Variants in TENM3 observed in about 807,000 individuals in gnomAD.
TENM3 encodes teneurin-3.
In TENM3, 63 loss-of-function variants were observed where a neutral mutation model predicts 255.1. That is an observed-to-expected ratio of 0.25 (90% CI 0.20 to 0.30). The LOEUF is 0.30. Ranked by LOEUF, TENM3 falls within the 10% of genes least tolerant of loss-of-function variation. The pLI is 1.00. For missense variants in TENM3, 2,929 were observed against 3,461.1 expected, an observed-to-expected ratio of 0.85 and a Z score of 3.86; for synonymous variants, 1,306 against 1,322.3, an observed-to-expected ratio of 0.99 and a Z score of 0.27.
Position 182,624,535 on chromosome 4 carries a change from T to C in TENM3, c.750-4116T>C, listed in dbSNP as rs549864943. Among the ~76,000 whole-genome samples, 17 of 152,272 alleles carry C rather than the reference T, an allele frequency of 1.1e-4. No individual in the cohort carries two copies. The South Asian group carries it at 3.3e-3, about 30-fold the overall frequency. Reference sequence around the variant, plus strand: ...TCACGAAGCAGAAGGCAGGCTTCTCTCCCTGGGCCCTGTTGCTCCTCTGCT... The same window carrying C: ...TCACGAAGCAGAAGGCAGGCTTCTCCCCCTGGGCCCTGTTGCTCCTCTGCT... On this transcript the variant is annotated intron_variant, in intron 4 of 27. Transcript: ENST00000511685.
chr4:182,429,616 T>G (rs561569933), intron 3 of TENM3, among the ~76,000 whole-genome samples: 5 of 152,344 alleles, frequency 3.3e-5, no homozygotes, highest in Admixed American at 2.6e-4. Flanking sequence ...CCATAACAAC[T>G]TAAATGAAAT....
the TENM3 span, among the ~76,000 whole-genome samples, chr4:181,939,067 A>C: frequency 1.1e-3 from 170 of 152,332 alleles, no homozygotes; most frequent in African/African-American, 3.9e-3. Flanking sequence ...ATGTAAGAAA[A>C]AAAAAGATGG....
In TENM3 at chr4:182,616,777, A is replaced by T. The variant is rs530832818; in HGVS notation, c.750-11874A>T. Among the ~76,000 whole-genome samples, 149 of 152,246 alleles carry T rather than the reference A, an allele frequency of 9.8e-4. 1 individual carries two copies. The highest frequency in any genetic ancestry group is 6.8e-3 in the Middle Eastern group (2 of 294). The stretch of plus-strand genomic sequence containing the variant: ...ATAGCTAGGCATTTGAGCAGAGTGA[A>T]TAATTATGCTAGATATCTCTGGATG... On this transcript the variant is annotated intron_variant, in intron 4 of 27. Coordinates refer to ENST00000511685, the MANE Select transcript of TENM3 (RefSeq NM_001080477.4).
intron 6 of TENM3, 57 bp from the exon 7 acceptor site, chr4:182,672,948 T>G: frequency 7.8e-7 from 1 of 1,289,430 alleles, no homozygotes; most frequent in Non-Finnish European, 1.1e-6. Context: ...AAAAACCTTT[T>G]TTGTTTTGTT....
At chr4:182,725,627 CTTTTTTTTCTTTTT>C (rs1561163224) in intron 13 of TENM3, among the ~76,000 whole-genome samples, 1 of 9,886 alleles carries the variant, frequency 1.0e-4, no homozygotes, top group Non-Finnish European at 1.8e-4. Flanking sequence ...ATTTTCTTTT[CTTTTTTTTCTTTTT>C]TTTTTTTTCT....
chr4:182,777,519 GTGT>G (rs1764774124), intron 24 of TENM3, among the ~76,000 whole-genome samples: 1 of 138,454 alleles, frequency 7.2e-6, no homozygotes, highest in Non-Finnish European at 1.5e-5. Context: ...TTATGTGTGT[GTGT>G]GTGTGTGTGT....
chr4:182,689,870 A>T (rs1756882437), intron 12 of TENM3, among the ~76,000 whole-genome samples: 1 of 152,210 alleles, frequency 6.6e-6, no homozygotes, highest in East Asian at 1.9e-4. Flanking sequence ...TTTTTAGCTC[A>T]TCAGCTATTG....
intron 22 of TENM3, among the ~76,000 whole-genome samples, chr4:182,767,938 C>A (rs1437531896): frequency 6.6e-6 from 1 of 152,212 alleles, no homozygotes; most frequent in Non-Finnish European, 1.5e-5. Context: ...AGAAAGCAGT[C>A]ACATTTCAGT....
At chr4:182,180,426 G>C (rs942709100) in intron 1 of TENM3, among the ~76,000 whole-genome samples, 6 of 151,904 alleles carry the variant, frequency 3.9e-5, no homozygotes, top group African/African-American at 1.5e-4. Flanking sequence ...TCTTTCTTTA[G>C]CATAAATTTA....
At chr4:182,534,051 G>T (rs2151852722) in intron 3 of TENM3, among the ~76,000 whole-genome samples, 1 of 152,298 alleles carries the variant, frequency 6.6e-6, no homozygotes, top group Non-Finnish European at 1.5e-5. Context: ...CTTGCTCATT[G>T]ATTCAGTAGA....
At position 182,385,262 on chromosome 4, in the gene TENM3, C is replaced by CTTTT. The variant is rs397762118; in HGVS notation, c.511+38350_511+38353dup. On this transcript the variant is annotated intron_variant, in intron 3 of 27. Transcript: ENST00000511685. Reference sequence around the variant, plus strand: ...GGGAAAAGGAAGTTTTATTGTGCGTCTTTTTTTTTTTTTTTTTTTTGAGAC... The same window carrying CTTTT: ...GGGAAAAGGAAGTTTTATTGTGCGTCTTTTTTTTTTTTTTTTTTTTTTTTGAGAC... 9.4e-3 allele frequency among the ~76,000 whole-genome samples: 1,048 copies of CTTTT among 112,080 alleles called. 55 individuals are homozygous for CTTTT. Among genetic ancestry groups the CTTTT allele is most frequent in the African/African-American group, 0.028 (803 of 29,076 alleles). The allele number at this position is 112,080 out of a possible 152,430, so 73.5% of individuals were successfully genotyped here.
At chr4:182,008,582 A>G in the TENM3 span, among the ~76,000 whole-genome samples, 1 of 151,806 alleles carries the variant, frequency 6.6e-6, no homozygotes, top group African/African-American at 2.4e-5. Context: ...TTTCAGCTCC[A>G]TCAAGTTGTT....
At chr4:182,455,185 T>C (rs571251158) in intron 3 of TENM3, among the ~76,000 whole-genome samples, 147 of 152,350 alleles carry the variant, frequency 9.6e-4, no homozygotes, top group African/African-American at 3.4e-3. Flanking sequence ...AAAGGACTTA[T>C]TTGTTTAAGA....
chr4:181,484,649 G>A, the TENM3 span, among the ~76,000 whole-genome samples: 1 of 152,114 alleles, frequency 6.6e-6, no homozygotes, highest in African/African-American at 2.4e-5. Flanking sequence ...TGCTGCAGTA[G>A]ATTCTGTTCT....
chr4:182,731,220 TAG>T (rs1760675266), intron 16 of TENM3, 81 bp downstream of exon 16: 1 of 1,452,816 alleles, frequency 6.9e-7, no homozygotes, highest in African/African-American at 1.4e-5. Context: ...AAATAGGTTA[TAG>T]AGTCCGGGCA....
At chr4:182,194,921 G>T (rs1753745711) in intron 1 of TENM3, among the ~76,000 whole-genome samples, 2 of 151,950 alleles carry the variant, frequency 1.3e-5, no homozygotes, top group Admixed American at 1.3e-4. Flanking sequence ...TGTCGTGATA[G>T]AATTTATTTT....
chr4:182,262,245 G>A (rs1422135336), intron 1 of TENM3, among the ~76,000 whole-genome samples: 1 of 152,160 alleles, frequency 6.6e-6, no homozygotes, highest in Non-Finnish European at 1.5e-5. Context: ...TTATTAAAAT[G>A]TCACAAGCTA....
At chr4:182,780,073 G>A (rs1765043349) in intron 24 of TENM3, among the ~76,000 whole-genome samples, 1 of 151,804 alleles carries the variant, frequency 6.6e-6, no homozygotes, top group Non-Finnish European at 1.5e-5. Context: ...GATCCCATTT[G>A]TCAATTTTGG....
chr4:182,079,049 A>G, the TENM3 span, among the ~76,000 whole-genome samples: 1 of 152,206 alleles, frequency 6.6e-6, no homozygotes, highest in Non-Finnish European at 1.5e-5. Flanking sequence ...AGGCTTTGAC[A>G]TGGGAAAGAG....
Sources: allele counts gnomAD v4.1 joint callset (sites outside exome capture counted in the v4.1 genomes callset), GRCh38; gene constraint gnomAD v4.1.1; transcripts MANE v1.5; gene names NCBI Gene and HGNC (gene_info 2026-07-23, HGNC 2026-07-21).